DCLK1: variants seen among roughly 807,000 people sequenced by gnomAD.
The protein encoded by DCLK1 is serine/threonine-protein kinase DCLK1.
DCLK1 carries 16 observed loss-of-function variants against 86.2 expected under a neutral mutation model. The observed-to-expected ratio is 0.19, with a 90% CI of 0.13 to 0.28. The LOEUF (loss-of-function observed/expected upper bound fraction) is 0.28. Among genes scored for constraint, DCLK1 ranks in the 10% least tolerant of loss-of-function variants. The probability of loss-of-function intolerance (pLI) is 1.00; values close to 1 mark genes in which losing one functional copy is unlikely to be tolerated. For missense variants in DCLK1, 590 were observed against 940.2 expected (o/e 0.63, Z 4.87); for synonymous variants, 369 against 370.5 (o/e 1.00, Z 0.05).
chr13:35,855,543 T>A (rs1870995602), intron 5 of DCLK1: 1 of 1,604,852 alleles, frequency 6.2e-7, no homozygotes, highest in South Asian at 1.1e-5. Flanking sequence ...ACAGTCTTAG[T>A]GTTGGACCTG....
intron 3 of DCLK1, among the ~76,000 whole-genome samples, chr13:36,059,215 G>C (rs1883448389): frequency 6.6e-6 from 1 of 152,142 alleles, no homozygotes; most frequent in Non-Finnish European, 1.5e-5. Flanking sequence ...CCTCAGGAAA[G>C]TGCCATTGTG....
chr13:36,055,434 G>T (rs573299781), intron 3 of DCLK1, among the ~76,000 whole-genome samples: 5 of 152,198 alleles, frequency 3.3e-5, no homozygotes, highest in African/African-American at 1.2e-4. Context: ...CTAACCAGCT[G>T]GCTTTCTTTC....
intron 3 of DCLK1, among the ~76,000 whole-genome samples, chr13:35,951,286 G>C (rs1281181127): frequency 2.0e-5 from 3 of 150,578 alleles, no homozygotes; most frequent in Non-Finnish European, 2.9e-5. Context: ...TGGATGGATG[G>C]ATGGATGGAT....
intron 15 of DCLK1, 121 bp downstream of exon 15, chr13:35,805,578 C>T (rs952591038): frequency 2.9e-5 from 28 of 973,470 alleles, no homozygotes; most frequent in Admixed American, 4.2e-5. Flanking sequence ...AGATTACAGG[C>T]GTGAGACACT....
At chr13:36,041,061 T>C (rs569004877) in intron 3 of DCLK1, among the ~76,000 whole-genome samples, 15 of 152,290 alleles carry the variant, frequency 9.8e-5, no homozygotes, top group Non-Finnish European at 1.5e-4. Flanking sequence ...TTCCCTTTCA[T>C]TGGAGAATGG....
chr13:35,929,863 C>CT lies in DCLK1; in HGVS notation c.823+17494dup, dbSNP rs375433797. Among the ~76,000 whole-genome samples, 1,078 of 141,992 alleles carry CT rather than the reference C, an allele frequency of 7.6e-3. 2 individuals carry two copies. Among genetic ancestry groups the CT allele is most frequent in the African/African-American group, 9.0e-3 (345 of 38,536 alleles). 93.2% of individuals were successfully genotyped at this position (141,992 alleles called of 152,430 possible). On this transcript the variant is annotated intron_variant, in intron 4 of 16. Coordinates refer to ENST00000360631, the MANE Select transcript of DCLK1 (RefSeq NM_001330071.2). Reference sequence around the variant, plus strand: ...TGTCACCCACACAATCATTTTTTTTCTTTTTTTTTTTTTTACTAAAAGCTT... The same window carrying CT: ...TGTCACCCACACAATCATTTTTTTTCTTTTTTTTTTTTTTTACTAAAAGCTT...
chr13:35,929,675 C>T (rs985349164), intron 4 of DCLK1, among the ~76,000 whole-genome samples: 1 of 152,196 alleles, frequency 6.6e-6, no homozygotes, highest in Non-Finnish European at 1.5e-5. Context: ...TTTGCTGGCA[C>T]TTCCTGACAG....
At chr13:36,003,168 G>A (rs1289965149) in intron 3 of DCLK1, among the ~76,000 whole-genome samples, 1 of 152,202 alleles carries the variant, frequency 6.6e-6, no homozygotes, top group Non-Finnish European at 1.5e-5. Context: ...TGTGATTTTG[G>A]TGGGTGTGAG....
chr13:35,976,685 T>C (rs1356779936), intron 3 of DCLK1, among the ~76,000 whole-genome samples: 5 of 151,488 alleles, frequency 3.3e-5, no homozygotes, highest in Non-Finnish European at 7.4e-5. Flanking sequence ...CGCCCGCCAC[T>C]GCGCCCGGCT....
At chr13:36,111,340 G>T (rs1053234176) in intron 3 of DCLK1, among the ~76,000 whole-genome samples, 1 of 152,056 alleles carries the variant, frequency 6.6e-6, no homozygotes, top group Admixed American at 6.6e-5. Context: ...TACAAGATGC[G>T]TACTATTCTA....
chr13:36,016,953 C>T (rs942793441), intron 3 of DCLK1, among the ~76,000 whole-genome samples: 1 of 152,016 alleles, frequency 6.6e-6, no homozygotes, highest in Non-Finnish European at 1.5e-5. Context: ...GCTAGTGGCA[C>T]GAAATCAGAC....
At chr13:36,025,490 T>C (rs1346796712) in intron 3 of DCLK1, among the ~76,000 whole-genome samples, 6 of 152,246 alleles carry the variant, frequency 3.9e-5, no homozygotes, top group Admixed American at 2.6e-4. Flanking sequence ...ATGTTCATCA[T>C]TGATTAATTG....
chr13:35,931,784 T>C (rs1369596363), intron 4 of DCLK1, among the ~76,000 whole-genome samples: 2 of 152,216 alleles, frequency 1.3e-5, no homozygotes, highest in African/African-American at 4.8e-5. Context: ...AGATTCCTTC[T>C]GCATCTAATA....
chr13:36,070,644 A>ATT lies in DCLK1; in HGVS notation c.723+41223_723+41224dup, dbSNP rs11368796. ...CATCTTTATTTATTTTTTTAACTTA[A>ATT]TTTTTTTTCTTTTGAGATGGAGTGT... On this transcript the variant is annotated intron_variant, in intron 3 of 16. Coordinates refer to ENST00000360631, the MANE Select transcript of DCLK1 (RefSeq NM_001330071.2). Among the ~76,000 whole-genome samples the ATT allele has an allele frequency of 6.6e-5, 10 of 151,012 alleles. No homozygotes were observed. The South Asian group carries it at 1.7e-3, about 25-fold the overall frequency.
At chr13:36,046,316 G>A (rs963606903) in intron 3 of DCLK1, among the ~76,000 whole-genome samples, 2 of 152,148 alleles carry the variant, frequency 1.3e-5, no homozygotes, top group African/African-American at 4.8e-5. Context: ...CAGCATCTGA[G>A]TTAATACATA....
rs199730178 is a variant in DCLK1, at chr13:35,911,138, A to AAC, written c.823+36219_823+36220insGT. On this transcript the variant is annotated intron_variant, in intron 4 of 16. Transcript: ENST00000360631. ...CTCTACTAAAAATACAAAAAAAAAA[A>AAC]AAAAAACTAGCCAGGCATGATGGTG... Among the ~76,000 whole-genome samples, 28 of 150,680 alleles carry AAC rather than the reference A, an allele frequency of 1.9e-4. 1 individual carries two copies. The East Asian group carries it at 4.9e-3, about 27-fold the overall frequency.
intron 3 of DCLK1, among the ~76,000 whole-genome samples, chr13:36,069,759 C>T (rs575426242): frequency 6.6e-6 from 1 of 152,308 alleles, no homozygotes; most frequent in Admixed American, 6.5e-5. Flanking sequence ...GGATGTCCCC[C>T]CATTACTCTC....
In DCLK1 at chr13:36,006,563, A is replaced by T. The variant is rs541332136; in HGVS notation, c.724-59106T>A. Among the ~76,000 whole-genome samples the T allele has an allele frequency of 5.9e-5, 9 of 152,366 alleles. No homozygotes were observed. The East Asian group carries it at 1.7e-3, about 29-fold the overall frequency. The stretch of plus-strand genomic sequence containing the variant: ...ACCTGCTTTGCCACTTTCCATGTTT[A>T]AAGACACCAGAGGCCAGTGCTTCCC... On this transcript the variant is annotated intron_variant, in intron 3 of 16. Coordinates refer to ENST00000360631, the MANE Select transcript of DCLK1 (RefSeq NM_001330071.2).
chr13:35,850,752 C>T, intron 6 of DCLK1: 2 of 1,603,062 alleles, frequency 1.2e-6, no homozygotes, highest in Non-Finnish European at 1.7e-6. Flanking sequence ...TCCAAGTCAT[C>T]CGAAGAGAGG....
Sources: allele counts gnomAD v4.1 joint callset (sites outside exome capture counted in the v4.1 genomes callset), GRCh38; gene constraint gnomAD v4.1.1; transcripts MANE v1.5; gene names NCBI Gene and HGNC (gene_info 2026-07-23, HGNC 2026-07-21).